The following MRPS31 variants were observed in gnomAD, a reference collection of about 807,000 sequenced individuals.
MRPS31 encodes mitochondrial ribosomal protein S31, also known as small ribosomal subunit protein mS31.
A neutral mutation model predicts 43.1 loss-of-function variants in MRPS31; 32 were observed. The observed-to-expected ratio is 0.74, with a 90% confidence interval of 0.56 to 1.00. The LOEUF is 1.00. Among genes scored for constraint, MRPS31 ranks in the 50% least tolerant of loss-of-function variants. MRPS31 has a pLI of 0.00. For missense variants in MRPS31, 437 were observed against 466.7 expected (o/e 0.94, Z 0.59); for synonymous variants, 165 against 161.6 (o/e 1.02, Z -0.16).
chr13:40,758,799 T>A, intron 3 of MRPS31, 149 bp downstream of exon 3: 3 of 722,654 alleles, frequency 4.2e-6, no homozygotes, highest in Non-Finnish European at 5.9e-6. Flanking sequence ...ATAAGTTTTT[T>A]AAAAAGTTGA....
intron 6 of MRPS31, among the ~76,000 whole-genome samples, chr13:40,748,401 C>A (rs1426025288): frequency 1.3e-5 from 2 of 152,244 alleles, no homozygotes; most frequent in African/African-American, 4.8e-5. Context: ...AGGCGATCCG[C>A]CCGCCTCAGC....
rs766229410 is a variant in MRPS31 at position 40,729,517 on chromosome 13, C to A, written c.1043G>T (p.Arg348Leu). 6 of 1,613,954 alleles carry A rather than the reference C, an allele frequency of 3.7e-6. No homozygotes were observed. Among genetic ancestry groups the A allele is most frequent in the Admixed American group, 3.3e-5 (2 of 59,992 alleles). Residue 348 changes from arginine (R) to leucine (L), a missense_variant, in exon 7 of 7, where the codon CGC becomes CTC. Arg to Leu is a moderately radical substitution (Grantham distance 102). Coordinates refer to ENST00000323563, the MANE Select transcript of MRPS31 (RefSeq NM_005830.4). ...ACAAGTCACCAGCTCCATGAAGTGG[C>A]GAATTGGTCCTTGTTTTGGAAAGCT... ...LESFPKQGPI[R>L]HFMELVTCGL...
At chr13:40,743,748 G>C (rs1238281930) in intron 6 of MRPS31, among the ~76,000 whole-genome samples, 1 of 152,188 alleles carries the variant, frequency 6.6e-6, no homozygotes, top group Non-Finnish European at 1.5e-5. Flanking sequence ...ATAAACTGTT[G>C]GTGGGAATGT....
chr13:40,754,398 A>G (rs144577138), intron 4 of MRPS31, among the ~76,000 whole-genome samples: 9 of 152,266 alleles, frequency 5.9e-5, no homozygotes, highest in African/African-American at 2.2e-4. Flanking sequence ...GGTTTTAAAA[A>G]CTCCATGTTG....
intron 6 of MRPS31, among the ~76,000 whole-genome samples, chr13:40,746,924 T>C (rs1254030605): frequency 6.6e-6 from 1 of 152,196 alleles, no homozygotes; most frequent in Non-Finnish European, 1.5e-5. Context: ...TGAGTCCTAT[T>C]ATTATTCCCA....
intron 6 of MRPS31, among the ~76,000 whole-genome samples, chr13:40,738,923 G>A (rs1880001058): frequency 6.6e-6 from 1 of 152,190 alleles, no homozygotes; most frequent in African/African-American, 2.4e-5. Flanking sequence ...ACATAGTGTT[G>A]CAAGTTCTGG....
intron 3 of MRPS31, among the ~76,000 whole-genome samples, chr13:40,758,222 C>A (rs1593276462): frequency 1.3e-5 from 2 of 151,806 alleles, no homozygotes; most frequent in South Asian, 4.2e-4. Context: ...CCATGCTCAG[C>A]TACTTTTTTT....
chr13:40,743,468 T>C (rs1257249711), intron 6 of MRPS31, among the ~76,000 whole-genome samples: 1 of 152,140 alleles, frequency 6.6e-6, no homozygotes, highest in Non-Finnish European at 1.5e-5. Context: ...AAAGGTCTAA[T>C]ATCCAGAATC....
At chr13:40,760,034 G>C (rs1342312634) in intron 2 of MRPS31, among the ~76,000 whole-genome samples, 1 of 151,630 alleles carries the variant, frequency 6.6e-6, no homozygotes, top group African/African-American at 2.4e-5. Context: ...CTACTCTGGA[G>C]GCTGAGACAT....
intron 1 of MRPS31, among the ~76,000 whole-genome samples, chr13:40,770,340 A>G (rs1880972586): frequency 6.6e-6 from 1 of 152,224 alleles, no homozygotes; most frequent in Admixed American, 6.5e-5. Context: ...GAGGATAAAT[A>G]CCAAAACCAA....
At chr13:40,739,189 T>C (rs1355949097) in intron 6 of MRPS31, among the ~76,000 whole-genome samples, 1 of 152,218 alleles carries the variant, frequency 6.6e-6, no homozygotes, top group Middle Eastern at 3.4e-3. Flanking sequence ...CCATTCACAA[T>C]TGCTTCAAAG....
chr13:40,770,957 C>G, intron 1 of MRPS31, 28 bp downstream of exon 1: 3 of 1,613,876 alleles, frequency 1.9e-6, no homozygotes, highest in Non-Finnish European at 2.5e-6. Flanking sequence ...ATGTACAGGA[C>G]GGGGCACGGG....
rs757842607 is a variant in MRPS31, at chr13:40,771,091, G to C, written c.46C>G (p.Arg16Gly). 3.1e-6 allele frequency: 5 copies of C among 1,613,798 alleles called. No individual in the cohort carries two copies. The African/African-American group carries it at 6.7e-5, about 22-fold the overall frequency. Residue 16 changes from arginine (R) to glycine (G), a missense_variant, in exon 1 of 7, where the codon CGC (arginine) becomes GGC (glycine). Coordinates refer to ENST00000323563, the MANE Select transcript of MRPS31 (RefSeq NM_005830.4). The part of the protein sequence containing the change: ...STFLPLRPLS[R>G]HPLSSGSPET... ...GGGCTTCCAGAGGACAAAGGGTGGCGGGAAAGGGGGCGAAGAGGTAGGAAC... is the reference window on the plus strand; with the variant it reads ...GGGCTTCCAGAGGACAAAGGGTGGCCGGAAAGGGGGCGAAGAGGTAGGAAC...
intron 4 of MRPS31, among the ~76,000 whole-genome samples, chr13:40,755,829 A>T (rs1593449558): frequency 6.6e-6 from 1 of 152,168 alleles, no homozygotes; most frequent in Admixed American, 6.5e-5. Context: ...ATAATATACC[A>T]TCCTAATGTA....
chr13:40,759,574 C>A (rs12874981), intron 2 of MRPS31, among the ~76,000 whole-genome samples: 1 of 152,196 alleles, frequency 6.6e-6, no homozygotes. Flanking sequence ...AATTCAATTT[C>A]TGACAAAGGC....
chr13:40,739,836 C>A (rs1021403668), intron 6 of MRPS31, among the ~76,000 whole-genome samples: 6 of 151,894 alleles, frequency 4.0e-5, no homozygotes, highest in Non-Finnish European at 8.8e-5. Context: ...CATAAAAACC[C>A]TAGAAGAAAA....
chr13:40,758,939 T>G lies in MRPS31; in HGVS notation c.599+9A>C, dbSNP rs1342494573. ...AAACATTACTGACTTAAGGGTTTGA[T>G]TCACTCACCTAATTTTAGGTCGCTT... is the stretch of plus-strand genomic sequence containing the variant. On this transcript the variant is annotated intron_variant, in intron 3 of 6. Coordinates refer to ENST00000323563, the MANE Select transcript of MRPS31 (RefSeq NM_005830.4). The G allele has an allele frequency of 1.9e-6, 3 of 1,562,030 alleles. No homozygotes were observed. In the Admixed American group the frequency reaches 5.7e-5, roughly 29 times the overall value.
chr13:40,742,878 C>CCTTTGACCATGTACAAAAATCAA (rs1880140896), intron 6 of MRPS31, among the ~76,000 whole-genome samples: 1 of 152,178 alleles, frequency 6.6e-6, no homozygotes, highest in African/African-American at 2.4e-5. Flanking sequence ...TGGACCCCTA[C>CCTTTGACCATGTACAAAAATCAA]CTTTGACCAT....
intron 6 of MRPS31, among the ~76,000 whole-genome samples, chr13:40,747,141 C>T (rs1290456086): frequency 3.3e-5 from 5 of 151,740 alleles, no homozygotes; most frequent in African/African-American, 1.2e-4. Flanking sequence ...TGCTGTGGCA[C>T]GATCTTGGCT....
Sources: allele counts gnomAD v4.1 joint callset (sites outside exome capture counted in the v4.1 genomes callset), GRCh38; gene constraint gnomAD v4.1.1; transcripts MANE v1.5; gene names NCBI Gene and HGNC (gene_info 2026-07-23, HGNC 2026-07-21).